Variants in KASH5 observed in about 807,000 individuals in gnomAD.
The protein encoded by KASH5 is KASH domain containing 5.
KASH5 carries 72 observed loss-of-function variants against 84.2 expected under a neutral mutation model. The ratio of observed to expected loss-of-function variants is 0.85; its 90% CI spans 0.71 to 1.04. The LOEUF (loss-of-function observed/expected upper bound fraction) is 1.04. Ranked by LOEUF, KASH5 falls within the 50% of genes least tolerant of loss-of-function variation. The pLI is 0.00. For synonymous variants in KASH5, 260 were observed against 279.1 expected, an observed-to-expected ratio of 0.93 and a Z score of 0.68; for missense variants, 650 against 701.0, an observed-to-expected ratio of 0.93 and a Z score of 0.82.
rs1281543893 is a variant in KASH5 at position 49,417,850 on chromosome 19, G to C, written c.*340G>C. On this transcript the variant is annotated 3_prime_UTR_variant, in exon 20 of 20. Coordinates refer to ENST00000447857, the MANE Select transcript of KASH5 (RefSeq NM_144688.5). The surrounding 1 kb of genome is among the most constrained non-coding windows in gnomAD (Gnocchi z 5.2). ...TCCCCTCCCTCATGCTCAGGAGTTGGCAGTTGTAGCTTCCTACATCACATC... is the reference window on the plus strand; with the variant it reads ...TCCCCTCCCTCATGCTCAGGAGTTGCCAGTTGTAGCTTCCTACATCACATC... The C allele has an allele frequency of 7.4e-6, 2 of 269,068 alleles. No individual in the cohort carries two copies. Among genetic ancestry groups the C allele is most frequent in the African/African-American group, 4.4e-5 (2 of 45,542 alleles). The allele number at this position is 269,068 out of a possible 1,614,324, so 16.7% of individuals were successfully genotyped here.
In KASH5 at chr19:49,395,414, G is replaced by T. The variant is rs1600900938; in HGVS notation, c.335+122G>T. ...CTACTGTGTTTGGAATGAGGCTGTG[G>T]AGAGAAAAATGAAGAGACGGGATTC... is the stretch of plus-strand genomic sequence containing the variant. On this transcript the variant is annotated intron_variant, in intron 4 of 19. Coordinates refer to ENST00000447857, the MANE Select transcript of KASH5 (RefSeq NM_144688.5). The surrounding 1 kb of genome is among the most constrained non-coding windows in gnomAD (Gnocchi z 4.4). 1.8e-6 allele frequency: 2 copies of T among 1,092,514 alleles called. No individual in the cohort carries two copies. Among genetic ancestry groups the T allele is most frequent in the South Asian group, 2.8e-5 (2 of 70,244 alleles). The allele number at this position is 1,092,514 out of a possible 1,614,324, so 67.7% of individuals were successfully genotyped here. A position where few individuals can be genotyped will look rare whatever the true frequency, so the allele number is the denominator to read the frequency against.
At position 49,414,465 on chromosome 19, in the gene KASH5, G is replaced by T. The variant is rs932215687; in HGVS notation, c.1329-486G>T. On this transcript the variant is annotated intron_variant, in intron 16 of 19. Transcript: ENST00000447857. The surrounding 1 kb of genome is among the most constrained non-coding windows in gnomAD (Gnocchi z 4.5). ...CTAGACAGGAAGGGGGTTTCGACACGTGCTCTGGGGTCTTACAGAGGCCTG... is the reference window on the plus strand; with the variant it reads ...CTAGACAGGAAGGGGGTTTCGACACTTGCTCTGGGGTCTTACAGAGGCCTG... Among the ~76,000 whole-genome samples the T allele has an allele frequency of 6.6e-6, 1 of 152,038 alleles. No homozygotes were observed. The highest frequency in any genetic ancestry group is 1.5e-5 in the Non-Finnish European group (1 of 67,994).
chr19:49,394,613 T>A, intron 3 of KASH5, 33 bp downstream of exon 3: 4 of 1,548,744 alleles, frequency 2.6e-6, no homozygotes, highest in Non-Finnish European at 3.6e-6. Flanking sequence ...TGGGGACCAG[T>A]GCGGGCAGGA....
chr19:49,409,209 G>T lies in KASH5; in HGVS notation c.1072G>T (p.Ala358Ser), dbSNP rs567663243. The T allele has an allele frequency of 3.7e-6, 6 of 1,613,726 alleles. No homozygotes were observed. In the East Asian group the frequency reaches 1.3e-4, roughly 36 times the overall value. The change falls in exon 14 of 20, where the codon GCC (alanine) becomes TCC (serine). Residue 358 changes from alanine (A) to serine (S), a missense_variant. Coordinates refer to ENST00000447857, the MANE Select transcript of KASH5 (RefSeq NM_144688.5). The stretch of plus-strand genomic sequence containing the variant: ...CTGTGTGGCCAGGCTACCTGAAGGG[G>T]CCCAGCTGAGAAGAGTGGGCTGGAC... ...YEGPDELPEG[A>S]QLRRVGWTEL...
Position 49,395,160 on chromosome 19 carries a change from G to T in KASH5, c.203G>T (p.Gly68Val). The T allele has an allele frequency of 6.2e-7, 1 of 1,612,830 alleles. No individual in the cohort carries two copies. Among genetic ancestry groups the T allele is most frequent in the South Asian group, 1.1e-5 (1 of 91,018 alleles). Residue 68 changes from glycine (G) to valine (V), a missense_variant, in exon 4 of 20, where the codon GGC becomes GTC. Physicochemically the swap from Gly to Val is moderately radical, Grantham distance 109 (BLOSUM62 -3). Coordinates refer to ENST00000447857, the MANE Select transcript of KASH5 (RefSeq NM_144688.5). The surrounding 1 kb of genome is among the most constrained non-coding windows in gnomAD (Gnocchi z 4.4). ...TACCTGGAGGCTGTGACAGGCCAGG[G>T]CCCCCAGGATGCACGCCTCCAAACA... The part of the protein sequence containing the change: ...LAYLEAVTGQ[G>V]PQDARLQTLA...
At chr19:49,406,314 G>A (rs934092492) in intron 9 of KASH5, among the ~76,000 whole-genome samples, 16 of 152,260 alleles carry the variant, frequency 1.1e-4, no homozygotes, top group Middle Eastern at 3.4e-3. Flanking sequence ...AAGTGTTAGC[G>A]ATTATTAACC....
intron 17 of KASH5, chr19:49,415,472 T>G: frequency 4.6e-6 from 1 of 216,814 alleles, no homozygotes; most frequent in South Asian, 6.7e-5. Flanking sequence ...ATTTCCATTC[T>G]CAGGCAAGGA....
rs1221854183 is a variant in KASH5 at position 49,407,552 on chromosome 19, A to G, written c.934-60A>G. Reference sequence around the variant, plus strand: ...CCCCCCAGCCAGTCCCCCCGCCACCACCACCCCCAGTGTCTTTGGGGAACT... The same window carrying G: ...CCCCCCAGCCAGTCCCCCCGCCACCGCCACCCCCAGTGTCTTTGGGGAACT... On this transcript the variant is annotated intron_variant, in intron 11 of 19. Coordinates refer to ENST00000447857, the MANE Select transcript of KASH5 (RefSeq NM_144688.5). 6 of 1,447,606 alleles carry G rather than the reference A, an allele frequency of 4.1e-6. No individual in the cohort carries two copies. The Admixed American group carries it at 6.0e-5, about 14-fold the overall frequency. 89.7% of individuals were successfully genotyped at this position (1,447,606 alleles called of 1,614,324 possible). A position where few individuals can be genotyped will look rare whatever the true frequency, so the allele number is the denominator to read the frequency against.
Position 49,412,492 on chromosome 19 carries a change from G to A in KASH5, c.1270-476G>A, listed in dbSNP as rs2122220234. The stretch of plus-strand genomic sequence containing the variant: ...GCGTTTAGAAAACAATGGCAAGTTG[G>A]TTGCTGAGGTCAAGGGCAATGCCAA... On this transcript the variant is annotated intron_variant, in intron 15 of 19. Coordinates refer to ENST00000447857, the MANE Select transcript of KASH5 (RefSeq NM_144688.5). The surrounding 1 kb of genome is among the most constrained non-coding windows in gnomAD (Gnocchi z 4.6). Among the ~76,000 whole-genome samples, 1 of 152,320 alleles carries A rather than the reference G, an allele frequency of 6.6e-6. No homozygotes were observed. Among genetic ancestry groups the A allele is most frequent in the East Asian group, 1.9e-4 (1 of 5,186 alleles).
chr19:49,407,090 ACCCAGGCAT>A, intron 10 of KASH5, 127 bp downstream of exon 10: 2 of 1,272,450 alleles, frequency 1.6e-6, no homozygotes, highest in Non-Finnish European at 2.2e-6. Context: ...TCCCAGGACC[ACCCAGGCAT>A]CCCTAAAATC....
chr19:49,407,473 C>G, intron 11 of KASH5, 139 bp from the exon 12 acceptor site: 1 of 1,101,946 alleles, frequency 9.1e-7, no homozygotes, highest in East Asian at 2.6e-5. Flanking sequence ...GCCCTTCTGC[C>G]CGGTGCTCTC....
Position 49,413,027 on chromosome 19 carries a change from G to A in KASH5, c.1328+1G>A. ...AAGGAAGGAAGGAGCCATCCATGTG[G>A]TAAGGAGCTGAGCCATCCGTCTGCC... On this transcript the variant is annotated splice_donor_variant, in intron 16 of 19. Coordinates refer to ENST00000447857, the MANE Select transcript of KASH5 (RefSeq NM_144688.5). LOFTEE classifies it high-confidence loss of function. 6.2e-7 allele frequency: 1 copy of A among 1,612,228 alleles called. No individual in the cohort carries two copies. The highest frequency in any genetic ancestry group is 1.3e-5 in the African/African-American group (1 of 75,040).
In KASH5 at chr19:49,417,201, G is replaced by A; in HGVS notation, c.1482G>A (p.Met494Ile). ...TCCAGCAAGCCCTGGTGCCTGTGAT[G>A]AAAAAGCTGGTCCCAGTCAGGAGGA... is the stretch of plus-strand genomic sequence containing the variant. ...RELQQALVPV[M>I]KKLVPVRRRA... Residue 494 changes from methionine to isoleucine, a missense_variant, in exon 19 of 20, where the codon ATG becomes ATA. Coordinates refer to ENST00000447857, the MANE Select transcript of KASH5 (RefSeq NM_144688.5). The surrounding 1 kb of genome is among the most constrained non-coding windows in gnomAD (Gnocchi z 5.2). 1 of 1,613,898 alleles carries A rather than the reference G, an allele frequency of 6.2e-7. No individual in the cohort carries two copies. The highest frequency in any genetic ancestry group is 1.3e-5 in the African/African-American group (1 of 75,054).
At chr19:49,402,586 A>G (rs1028999055) in intron 9 of KASH5, among the ~76,000 whole-genome samples, 1 of 151,928 alleles carries the variant, frequency 6.6e-6, no homozygotes, top group Non-Finnish European at 1.5e-5. Flanking sequence ...AGGCGTCTGT[A>G]ATCCCAGCTA....
At chr19:49,394,798 G>A (rs1362135743) in intron 3 of KASH5, 4 of 593,382 alleles carry the variant, frequency 6.7e-6, no homozygotes, top group Non-Finnish European at 1.2e-5. Flanking sequence ...TGATGGAAGA[G>A]GGCAGAGTTT....
Position 49,409,235 on chromosome 19 carries a change from C to T in KASH5, c.1098C>T (p.Thr366=), listed in dbSNP as rs114010747. The stretch of plus-strand genomic sequence containing the variant: ...CCCAGCTGAGAAGAGTGGGCTGGAC[C>T]GAGCTGCTACCCCCATCGCTGGGCT... ...EGAQLRRVGW[T]ELLPPSLGLE... is the part of the protein sequence containing the mutation. Residue 366 remains threonine, a synonymous_variant, in exon 14 of 20, where the codon ACC becomes ACT. Transcript: ENST00000447857. 3.0e-3 allele frequency: 4,796 copies of T among 1,613,920 alleles called. 36 individuals carry two copies. Among genetic ancestry groups the T allele is most frequent in the African/African-American group, 0.02 (1,464 of 75,030 alleles).
In KASH5 at chr19:49,409,227, G is replaced by A. The variant is rs761859737; in HGVS notation, c.1090G>A (p.Gly364Ser). The change falls in exon 14 of 20, where the codon GGC becomes AGC. Residue 364 changes from glycine to serine, a missense_variant. Physicochemically the swap from Gly to Ser is moderately conservative, Grantham distance 56 (BLOSUM62 0). Transcript: ENST00000447857. ...LPEGAQLRRV[G>S]WTELLPPSLG... ...TGAAGGGGCCCAGCTGAGAAGAGTG[G>A]GCTGGACCGAGCTGCTACCCCCATC... 8 of 1,613,860 alleles carry A rather than the reference G, an allele frequency of 5.0e-6. No homozygotes were observed. The Admixed American group carries it at 1.3e-4, about 27-fold the overall frequency.
In KASH5 at chr19:49,416,937, C is replaced by T; in HGVS notation, c.1375-78C>T. The T allele has an allele frequency of 9.2e-6, 13 of 1,417,786 alleles. No individual in the cohort carries two copies. Among genetic ancestry groups the T allele is most frequent in the Non-Finnish European group, 1.2e-5 (12 of 1,027,444 alleles). The allele number at this position is 1,417,786 out of a possible 1,614,324, so 87.8% of individuals were successfully genotyped here. Reference sequence around the variant, plus strand: ...AGCTCCACCACTTTCTATGTGGCCACTTGTGTCCAGTGGGCTGACCTGAGC... The same window carrying T: ...AGCTCCACCACTTTCTATGTGGCCATTTGTGTCCAGTGGGCTGACCTGAGC... On this transcript the variant is annotated intron_variant, in intron 17 of 19. Coordinates refer to ENST00000447857, the MANE Select transcript of KASH5 (RefSeq NM_144688.5). This position sits in a 1 kb window ranked among gnomAD's most constrained non-coding sequence, Gnocchi z 5.4.
intron 12 of KASH5, among the ~76,000 whole-genome samples, 195 bp downstream of exon 12, chr19:49,407,866 C>G (rs1045520324): frequency 9.2e-5 from 14 of 152,184 alleles, no homozygotes; most frequent in Non-Finnish European, 1.8e-4. Flanking sequence ...TTCTCTGTTC[C>G]TTCCATTCAC....
Sources: allele counts gnomAD v4.1 joint callset (sites outside exome capture counted in the v4.1 genomes callset), GRCh38; gene constraint gnomAD v4.1.1; non-coding constraint Gnocchi (gnomAD v3.1); transcripts MANE v1.5; gene names NCBI Gene and HGNC (gene_info 2026-07-23, HGNC 2026-07-21).